The following SPATS2 variants were observed in gnomAD, a reference collection of about 807,000 sequenced individuals.
SPATS2 encodes spermatogenesis-associated serine-rich protein 2.
SPATS2 carries 38 observed loss-of-function variants against 63.7 expected under a neutral mutation model. The ratio of observed to expected loss-of-function variants is 0.60; its 90% confidence interval spans 0.46 to 0.78. The LOEUF (loss-of-function observed/expected upper bound fraction) is 0.78, where lower values mean the gene tolerates loss of function less well. Ranked by LOEUF, SPATS2 falls within the 30% of genes least tolerant of loss-of-function variation. The pLI is 0.00. For synonymous variants in SPATS2, 207 were observed against 232.9 expected (o/e 0.89, Z 1.01); for missense variants, 588 against 666.2 (o/e 0.88, Z 1.29).
chr12:49,391,514 A>G (rs1278484460), intron 2 of SPATS2, among the ~76,000 whole-genome samples: 2 of 152,234 alleles, frequency 1.3e-5, no homozygotes, highest in Non-Finnish European at 2.9e-5. Context: ...TGCGTCTCAA[A>G]AAATATGTAT....
chr12:49,524,918 G>C (rs760357131), intron 13 of SPATS2, 22 bp downstream of exon 13: 1 of 1,608,584 alleles, frequency 6.2e-7, no homozygotes. Flanking sequence ...TCTACACTGA[G>C]CATGTTAGGA....
At chr12:49,412,396 T>C (rs1944812952) in intron 2 of SPATS2, among the ~76,000 whole-genome samples, 1 of 152,068 alleles carries the variant, frequency 6.6e-6, no homozygotes, top group South Asian at 2.1e-4. Flanking sequence ...GGTTTCACCA[T>C]GTTGGCCAGG....
intron 3 of SPATS2, 88 bp downstream of exon 3, chr12:49,461,125 T>A: frequency 7.1e-7 from 1 of 1,416,902 alleles, no homozygotes; most frequent in African/African-American, 1.4e-5. Flanking sequence ...GTCCTTCTAA[T>A]GTGTTTTGAA....
intron 5 of SPATS2, 98 bp downstream of exon 5, chr12:49,489,671 A>T: frequency 1.0e-6 from 1 of 964,452 alleles, no homozygotes; most frequent in Non-Finnish European, 1.6e-6. Context: ...TTCATAGATG[A>T]TAGAGCAGAC....
At chr12:49,458,736 T>G (rs1390295880) in intron 2 of SPATS2, among the ~76,000 whole-genome samples, 4 of 151,594 alleles carry the variant, frequency 2.6e-5, no homozygotes, top group Admixed American at 6.6e-5. Flanking sequence ...CATCTCGTTT[T>G]TTTTTTTTTT....
At chr12:49,524,540 G>C (rs973699609) in intron 12 of SPATS2, 142 bp from the exon 13 acceptor site, 1 of 828,310 alleles carries the variant, frequency 1.2e-6, no homozygotes, top group African/African-American at 1.7e-5. Context: ...TTTTCTTCCT[G>C]TTACCAGTTT....
At chr12:49,373,096 C>T (rs1309973083) in intron 2 of SPATS2, among the ~76,000 whole-genome samples, 1 of 152,068 alleles carries the variant, frequency 6.6e-6, no homozygotes, top group African/African-American at 2.4e-5. Flanking sequence ...CGTCAGCCTC[C>T]TGAGTAGCTG....
chr12:49,521,849 C>G (rs1213510553), intron 11 of SPATS2, among the ~76,000 whole-genome samples: 1 of 152,142 alleles, frequency 6.6e-6, no homozygotes, highest in African/African-American at 2.4e-5. Flanking sequence ...TTTAGGAATT[C>G]AAGGCCGGAA....
Position 49,449,974 on chromosome 12 carries a change from C to T in SPATS2, c.-243-10796C>T, listed in dbSNP as rs377110179. ...AATTTTTGCTGCATGTATTTTAGGTCTTATTGTTTGGTGGATATATATTTA... is the reference window on the plus strand; with the variant it reads ...AATTTTTGCTGCATGTATTTTAGGTTTTATTGTTTGGTGGATATATATTTA... On this transcript the variant is annotated intron_variant, in intron 2 of 13. Transcript: ENST00000552918. 4.7e-4 allele frequency among the ~76,000 whole-genome samples: 72 copies of T among 152,224 alleles called. No homozygotes were observed. In the South Asian group the frequency reaches 0.012, roughly 26 times the overall value.
At chr12:49,376,731 T>C (rs1944111627) in intron 2 of SPATS2, among the ~76,000 whole-genome samples, 2 of 144,722 alleles carry the variant, frequency 1.4e-5, no homozygotes, top group South Asian at 4.6e-4. Flanking sequence ...TTTTTTTTTT[T>C]TTTTGAGACG....
At chr12:49,390,013 A>G in intron 2 of SPATS2, 1 of 877,088 alleles carries the variant, frequency 1.1e-6, no homozygotes, top group South Asian at 1.3e-5. Context: ...ACAAGAACTA[A>G]TATTTCAACT....
intron 9 of SPATS2, among the ~76,000 whole-genome samples, chr12:49,509,269 A>ACTT (rs1276825818): frequency 2.1e-4 from 29 of 140,316 alleles, no homozygotes; most frequent in Non-Finnish European, 3.6e-4. Flanking sequence ...TCACGTTCTA[A>ACTT]CTTCTTTTTT....
intron 2 of SPATS2, among the ~76,000 whole-genome samples, chr12:49,429,903 C>T (rs1254511620): frequency 6.6e-6 from 1 of 150,752 alleles, no homozygotes; most frequent in African/African-American, 2.4e-5. Context: ...GCCTCAGCCT[C>T]CCAGGTAGCT....
At position 49,495,009 on chromosome 12, in the gene SPATS2, T is replaced by C. The variant is rs751274974; in HGVS notation, c.526+7T>C. On this transcript the variant is annotated splice_region_variant and intron_variant, in intron 7 of 13. Coordinates refer to ENST00000552918, the MANE Select transcript of SPATS2 (RefSeq NM_023071.4). ...GATACGCTGGATAGAACAGGTGAGT[T>C]TATTAACAGATTTTGAAAAAGTTGC... 7 of 1,533,878 alleles carry C rather than the reference T, an allele frequency of 4.6e-6. No homozygotes were observed. In the Admixed American group the frequency reaches 1.5e-4, roughly 33 times the overall value.
intron 2 of SPATS2, among the ~76,000 whole-genome samples, chr12:49,379,129 T>C (rs572606203): frequency 6.6e-6 from 1 of 150,836 alleles, no homozygotes; most frequent in South Asian, 2.1e-4. Flanking sequence ...TCCATGTTGG[T>C]CAGGCTGGTC....
chr12:49,382,601 C>T (rs1404166305), intron 2 of SPATS2, among the ~76,000 whole-genome samples: 1 of 152,236 alleles, frequency 6.6e-6, no homozygotes, highest in Non-Finnish European at 1.5e-5. Flanking sequence ...TCCTAATTAA[C>T]ATTCCTCTCT....
At chr12:49,492,771 C>T (rs748648327) in intron 6 of SPATS2, among the ~76,000 whole-genome samples, 1 of 152,110 alleles carries the variant, frequency 6.6e-6, no homozygotes, top group Non-Finnish European at 1.5e-5. Context: ...GATATGAAAA[C>T]TTAGCCAGTT....
chr12:49,519,030 A>G (rs1565762246), intron 10 of SPATS2, 43 bp from the exon 11 acceptor site: 2 of 1,515,924 alleles, frequency 1.3e-6, no homozygotes, highest in Admixed American at 3.5e-5. Context: ...TCTTTATCCT[A>G]TTTAGCAGCA....
chr12:49,502,070 C>T (rs1427941974), intron 9 of SPATS2, among the ~76,000 whole-genome samples: 2 of 152,168 alleles, frequency 1.3e-5, no homozygotes, highest in East Asian at 1.9e-4. Flanking sequence ...GTTCATTATA[C>T]TTATTTTTAG....
Sources: allele counts gnomAD v4.1 joint callset (sites outside exome capture counted in the v4.1 genomes callset), GRCh38; gene constraint gnomAD v4.1.1; transcripts MANE v1.5; gene names NCBI Gene and HGNC (gene_info 2026-07-23, HGNC 2026-07-21).